DNAH3: variants seen among roughly 807,000 people sequenced by gnomAD.
The protein encoded by DNAH3 is axonemal beta dynein heavy chain 3.
DNAH3 carries 332 observed loss-of-function variants against 432.5 expected under a neutral mutation model. The observed-to-expected ratio is 0.77, with a 90% CI of 0.70 to 0.84. The LOEUF (loss-of-function observed/expected upper bound fraction) is 0.84. DNAH3 is among the 40% of genes least tolerant of loss of function. DNAH3 has a pLI of 0.00. For missense variants in DNAH3, 4,861 were observed against 5,114.0 expected (o/e 0.95, Z 1.51); for synonymous variants, 1,956 against 1,900.2 (o/e 1.03, Z -0.76).
chr16:21,152,171 G>A, intron 1 of DNAH3, among the ~76,000 whole-genome samples: 1 of 152,032 alleles, frequency 6.6e-6, no homozygotes, highest in Non-Finnish European at 1.5e-5. Context: ...GAGGGAGGTT[G>A]CAGTGAGCAC....
chr16:21,067,574 T>G (rs75244559), intron 23 of DNAH3, among the ~76,000 whole-genome samples, 155 bp from the exon 24 acceptor site: 1 of 152,044 alleles, frequency 6.6e-6, no homozygotes, highest in African/African-American at 2.4e-5. Flanking sequence ...TGAATGCTTA[T>G]GGAACATGAC....
chr16:21,024,984 G>A (rs1452124331), intron 38 of DNAH3, among the ~76,000 whole-genome samples: 2 of 152,262 alleles, frequency 1.3e-5, no homozygotes, highest in Non-Finnish European at 2.9e-5. Context: ...GAGTACAGTG[G>A]TGCAATCTTG....
chr16:21,014,327 T>C (rs565853390), intron 41 of DNAH3, among the ~76,000 whole-genome samples: 107 of 152,326 alleles, frequency 7.0e-4, no homozygotes, highest in African/African-American at 2.5e-3. Context: ...GTGTAATTCA[T>C]TGCATTAACA....
chr16:21,058,963 C>A (rs1279296093), intron 26 of DNAH3, among the ~76,000 whole-genome samples: 1 of 151,700 alleles, frequency 6.6e-6, no homozygotes, highest in Non-Finnish European at 1.5e-5. Context: ...ATGTAACAGA[C>A]CTGCATGTTC....
intron 51 of DNAH3, among the ~76,000 whole-genome samples, chr16:20,971,610 C>T (rs1242466689): frequency 6.6e-6 from 1 of 152,182 alleles, no homozygotes; most frequent in Non-Finnish European, 1.5e-5. Context: ...ACCCTTTGCA[C>T]CGAAACCTGA....
chr16:20,979,294 G>C (rs781634832), intron 50 of DNAH3, 36 bp downstream of exon 50: 1 of 1,601,470 alleles, frequency 6.2e-7, no homozygotes. Flanking sequence ...CTCGTCCCGG[G>C]CCTCTTTGTC....
At chr16:21,059,690 G>T (rs149212308) in intron 26 of DNAH3, among the ~76,000 whole-genome samples, 3,026 of 151,510 alleles carry the variant, frequency 0.02, 113 homozygotes, top group African/African-American at 0.069. Flanking sequence ...CAGGAGAATC[G>T]CTTGAACCCA....
chr16:21,022,914 A>AT (rs1160561081), intron 39 of DNAH3, among the ~76,000 whole-genome samples: 1 of 151,854 alleles, frequency 6.6e-6, no homozygotes. Context: ...TGCTCAGCTA[A>AT]TTTTTGTATT....
chr16:21,029,678 T>C (rs758285870), intron 37 of DNAH3, among the ~76,000 whole-genome samples: 1 of 152,362 alleles, frequency 6.6e-6, no homozygotes, highest in Non-Finnish European at 1.5e-5. Flanking sequence ...TACTGTGTTA[T>C]CACTCTACTC....
At chr16:21,090,741 G>A (rs1178778598) in intron 18 of DNAH3, among the ~76,000 whole-genome samples, 1 of 152,122 alleles carries the variant, frequency 6.6e-6, no homozygotes, top group Non-Finnish European at 1.5e-5. Context: ...GCTTGGATGA[G>A]GCAAAGGGAT....
intron 9 of DNAH3, among the ~76,000 whole-genome samples, chr16:21,123,080 C>T (rs535535806): frequency 1.3e-5 from 2 of 152,258 alleles, no homozygotes; most frequent in Admixed American, 6.5e-5. Flanking sequence ...CATATAGTAC[C>T]TAACAGGTGC....
At chr16:21,055,782 G>C (rs2090111864) in intron 27 of DNAH3, among the ~76,000 whole-genome samples, 1 of 134,368 alleles carries the variant, frequency 7.4e-6, no homozygotes, top group Admixed American at 8.4e-5. Flanking sequence ...GTCTTGCTCT[G>C]TCACCTAGGC....
intron 50 of DNAH3, among the ~76,000 whole-genome samples, chr16:20,976,379 G>C (rs2085591038): frequency 6.6e-6 from 1 of 151,960 alleles, no homozygotes; most frequent in Admixed American, 6.6e-5. Flanking sequence ...TTTTAGTAGA[G>C]ATGGGGTTTC....
chr16:21,075,335 G>GCGAT, intron 21 of DNAH3, 112 bp downstream of exon 21: 1 of 787,836 alleles, frequency 1.3e-6, no homozygotes, highest in Admixed American at 2.0e-5. Flanking sequence ...CAAGACATGA[G>GCGAT]CGATTATTTC....
intron 1 of DNAH3, among the ~76,000 whole-genome samples, chr16:21,156,735 C>T (rs2092899991): frequency 6.6e-6 from 1 of 152,106 alleles, no homozygotes; most frequent in Non-Finnish European, 1.5e-5. Context: ...TCCTTGAGGG[C>T]CAAGTCCTGA....
chr16:21,074,890 G>A (rs991702073), intron 21 of DNAH3, among the ~76,000 whole-genome samples: 29 of 152,210 alleles, frequency 1.9e-4, no homozygotes, highest in African/African-American at 6.5e-4. Flanking sequence ...TAGCACCTTC[G>A]CATGCACTGT....
At chr16:21,010,891 T>C (rs993746249) in intron 41 of DNAH3, among the ~76,000 whole-genome samples, 1 of 72,072 alleles carries the variant, frequency 1.4e-5, no homozygotes, top group African/African-American at 4.8e-5. Context: ...AAAACCTGTT[T>C]TTTTTTTTTT....
chr16:21,089,912 A>T (rs1014105810), intron 18 of DNAH3, among the ~76,000 whole-genome samples: 1 of 152,110 alleles, frequency 6.6e-6, no homozygotes, highest in African/African-American at 2.4e-5. Context: ...GGCCTAAAAA[A>T]AAGATAAACT....
intron 7 of DNAH3, among the ~76,000 whole-genome samples, chr16:21,131,535 AAG>A (rs1358214602): frequency 1.3e-5 from 2 of 151,520 alleles, no homozygotes; most frequent in Non-Finnish European, 2.9e-5. Context: ...GAAGGAAAGA[AAG>A]AAAAAGAAAG....
Sources: allele counts gnomAD v4.1 joint callset (sites outside exome capture counted in the v4.1 genomes callset), GRCh38; gene constraint gnomAD v4.1.1; transcripts MANE v1.5; gene names NCBI Gene and HGNC (gene_info 2026-07-23, HGNC 2026-07-21).